Variants in TEX11 observed in about 807,000 individuals in gnomAD.
TEX11 encodes testis-expressed protein 11.
Under a neutral mutation model 84.4 loss-of-function variants are expected in TEX11, and 7 were observed. The observed-to-expected ratio is 0.08, with a 90% CI of 0.05 to 0.16. The LOEUF is 0.16. TEX11 is among the 10% of genes least tolerant of loss of function. TEX11 has a pLI of 1.00. For missense variants in TEX11, 551 were observed against 660.5 expected, an observed-to-expected ratio of 0.83 and a Z score of 1.82; for synonymous variants, 264 against 222.8, an observed-to-expected ratio of 1.18 and a Z score of -1.64.
Position 70,651,516 on chromosome X carries a change from G to A in TEX11, c.1417C>T (p.Pro473Ser). ...TAAAATTGAGTGAAAACGTTCCTAGGGTCATGTCGTTCAGCTTCTGCCACT... is the reference window on the plus strand; with the variant it reads ...TAAAATTGAGTGAAAACGTTCCTAGAGTCATGTCGTTCAGCTTCTGCCACT... ...EAVAEAERHDPRNVFTQFYIF... is the reference protein window; with the variant it reads ...EAVAEAERHDSRNVFTQFYIF... Residue 473 changes from proline to serine, a missense_variant, in exon 17 of 30, where the codon CCT becomes TCT. Coordinates refer to ENST00000374333, the MANE Select transcript of TEX11 (RefSeq NM_031276.3). The A allele has an allele frequency of 1.5e-5, 18 of 1,207,027 alleles. No individual in the cohort carries two copies. The highest frequency in any genetic ancestry group is 1.9e-5 in the Non-Finnish European group (17 of 892,783).
chrX:70,791,418 C>T (rs1200895942), intron 9 of TEX11, among the ~76,000 whole-genome samples: 1 of 112,034 alleles, frequency 8.9e-6, no homozygotes, highest in Non-Finnish European at 1.9e-5. Context: ...AGGGGAACTT[C>T]AAGAACCCAC....
intron 8 of TEX11, among the ~76,000 whole-genome samples, chrX:70,824,661 G>A (rs2091335415): frequency 9.0e-6 from 1 of 110,700 alleles, no homozygotes; most frequent in Non-Finnish European, 1.9e-5. Context: ...AAACTACCAA[G>A]AAGATCATAG....
At chrX:70,601,884 A>G (rs2089120664) in intron 24 of TEX11, among the ~76,000 whole-genome samples, 1 of 109,982 alleles carries the variant, frequency 9.1e-6, no homozygotes, top group Admixed American at 9.6e-5. Flanking sequence ...ATCCCAAGGC[A>G]GAAGAATTTC....
chrX:70,807,087 G>T (rs2091223742), intron 8 of TEX11, among the ~76,000 whole-genome samples: 1 of 112,477 alleles, frequency 8.9e-6, no homozygotes, highest in South Asian at 3.6e-4. Context: ...GAAGTTAAAA[G>T]ATGCTTTGTA....
intron 9 of TEX11, among the ~76,000 whole-genome samples, chrX:70,772,386 G>A (rs1460847940): frequency 9.0e-6 from 1 of 110,760 alleles, no homozygotes; most frequent in Admixed American, 9.7e-5. Context: ...ACCAGCCTGG[G>A]CAACTTAGGG....
chrX:70,806,859 G>A lies in TEX11; in HGVS notation c.607-69C>T, dbSNP rs1162257720. Reference sequence around the variant, plus strand: ...TCCCAACACACTTTGGGAGGCCGAGGTGGCAGTGAGCCATGACGGTGCCAC... The same window carrying A: ...TCCCAACACACTTTGGGAGGCCGAGATGGCAGTGAGCCATGACGGTGCCAC... On this transcript the variant is annotated intron_variant, in intron 8 of 29. Coordinates refer to ENST00000374333, the MANE Select transcript of TEX11 (RefSeq NM_031276.3). The A allele has an allele frequency of 3.9e-6, 3 of 764,011 alleles. No homozygotes were observed. In the East Asian group the frequency reaches 1.1e-4, roughly 27 times the overall value. 63.0% of individuals were successfully genotyped at this position (764,011 alleles called of 1,213,427 possible).
chrX:70,564,164 T>C (rs1359887294), intron 25 of TEX11, among the ~76,000 whole-genome samples: 1 of 111,591 alleles, frequency 9.0e-6, no homozygotes, highest in African/African-American at 3.3e-5. Context: ...GGGAGGCAAA[T>C]ATTGCAGTAA....
At chrX:70,823,225 G>A (rs1448181937) in intron 8 of TEX11, among the ~76,000 whole-genome samples, 1 of 111,476 alleles carries the variant, frequency 9.0e-6, no homozygotes, top group Admixed American at 9.6e-5. Context: ...AGAATAAAAT[G>A]GTGGCTGCCA....
chrX:70,580,849 T>C (rs1481622573), intron 25 of TEX11, among the ~76,000 whole-genome samples: 3 of 112,272 alleles, frequency 2.7e-5, no homozygotes, highest in African/African-American at 9.7e-5. Context: ...TTACATTCTG[T>C]GGTATGTTAG....
At chrX:70,817,252 TATACACACAC>T (rs1211211676) in intron 8 of TEX11, among the ~76,000 whole-genome samples, 6 of 95,187 alleles carry the variant, frequency 6.3e-5, no homozygotes, top group East Asian at 3.4e-4. Flanking sequence ...CACATATATA[TATACACACAC>T]ACACACACAC....
intron 2 of TEX11, among the ~76,000 whole-genome samples, chrX:70,900,465 G>A (rs183988222): frequency 1.9e-5 from 2 of 107,406 alleles, no homozygotes; most frequent in Admixed American, 1.0e-4. Flanking sequence ...ATACCAAAAC[G>A]TATGGGATAC....
intron 28 of TEX11, among the ~76,000 whole-genome samples, chrX:70,545,934 G>T (rs2088117180): frequency 8.9e-6 from 1 of 112,043 alleles, no homozygotes; most frequent in African/African-American, 3.2e-5. Flanking sequence ...GAGCAGTCAG[G>T]ATCCTCAGAT....
At chrX:70,537,118 G>T (rs752692264) in intron 28 of TEX11, among the ~76,000 whole-genome samples, 5 of 111,472 alleles carry the variant, frequency 4.5e-5, no homozygotes, top group African/African-American at 1.6e-4. Flanking sequence ...TAGGTACAGT[G>T]GTAGAATGTT....
chrX:70,822,257 G>A (rs1279218223), intron 8 of TEX11, among the ~76,000 whole-genome samples: 2 of 110,837 alleles, frequency 1.8e-5, no homozygotes, highest in Admixed American at 1.9e-4. Context: ...ATCCCCAGTT[G>A]GTTAAATACA....
intron 9 of TEX11, among the ~76,000 whole-genome samples, chrX:70,749,078 G>T (rs907254758): frequency 3.4e-4 from 35 of 103,390 alleles, no homozygotes; most frequent in Middle Eastern, 4.8e-3. Flanking sequence ...CCATTTGTTT[G>T]TATCCTCTTT....
At chrX:70,840,208 A>G (rs2091433838) in intron 7 of TEX11, among the ~76,000 whole-genome samples, 1 of 111,619 alleles carries the variant, frequency 9.0e-6, no homozygotes. Context: ...TGAAGGAAAA[A>G]ACGTTAAGGG....
intron 9 of TEX11, among the ~76,000 whole-genome samples, chrX:70,778,461 C>A (rs1302699178): frequency 2.7e-5 from 3 of 110,875 alleles, no homozygotes; most frequent in African/African-American, 9.9e-5. Flanking sequence ...CAAACAACAA[C>A]AACAACAACA....
At chrX:70,599,379 C>T (rs2089057842) in intron 24 of TEX11, among the ~76,000 whole-genome samples, 2 of 111,801 alleles carry the variant, frequency 1.8e-5, no homozygotes, top group Non-Finnish European at 3.8e-5. Context: ...CTAACTCATA[C>T]TCAGAAGGGT....
At chrX:70,675,774 C>T (rs1044293763) in intron 15 of TEX11, among the ~76,000 whole-genome samples, 5 of 111,286 alleles carry the variant, frequency 4.5e-5, no homozygotes, top group African/African-American at 1.6e-4. Flanking sequence ...GAACTACATG[C>T]GTGCACCACC....
Sources: allele counts gnomAD v4.1 joint callset (sites outside exome capture counted in the v4.1 genomes callset), GRCh38; gene constraint gnomAD v4.1.1; transcripts MANE v1.5; gene names NCBI Gene and HGNC (gene_info 2026-07-23, HGNC 2026-07-21).